ADGRL3: variants seen among roughly 807,000 people sequenced by gnomAD.
The protein encoded by ADGRL3 is adhesion G protein-coupled receptor L3, also known as calcium-independent alpha-latrotoxin receptor 3.
A neutral mutation model predicts 153.5 loss-of-function variants in ADGRL3; 62 were observed. That is an observed-to-expected ratio of 0.40 (90% CI 0.33 to 0.50). ADGRL3 has a LOEUF of 0.50. Ranked by LOEUF, ADGRL3 falls within the 20% of genes least tolerant of loss-of-function variation. ADGRL3 has a pLI of 0.47. For missense variants in ADGRL3, 1,641 were observed against 1,859.4 expected (o/e 0.88, Z 2.16); for synonymous variants, 710 against 672.5 (o/e 1.06, Z -0.86).
At chr4:61,292,643 C>T (rs545952309) in intron 1 of ADGRL3, among the ~76,000 whole-genome samples, 26 of 152,220 alleles carry the variant, frequency 1.7e-4, no homozygotes, top group African/African-American at 6.0e-4. Context: ...ACACAAATAC[C>T]AGAGCATCTG....
chr4:61,802,190 C>T (rs1372414664), intron 8 of ADGRL3, among the ~76,000 whole-genome samples: 1 of 152,086 alleles, frequency 6.6e-6, no homozygotes, highest in African/African-American at 2.4e-5. Context: ...AGCTGATAAA[C>T]TTATTAAAGG....
intron 4 of ADGRL3, among the ~76,000 whole-genome samples, chr4:61,572,538 T>C (rs2098843376): frequency 6.6e-6 from 1 of 152,078 alleles, no homozygotes; most frequent in South Asian, 2.1e-4. Context: ...AAGTAATTTA[T>C]GAGATAGTGT....
chr4:61,510,569 T>C (rs1355507131), intron 3 of ADGRL3, among the ~76,000 whole-genome samples: 1 of 152,196 alleles, frequency 6.6e-6, no homozygotes, highest in African/African-American at 2.4e-5. Flanking sequence ...CAGATGGTTG[T>C]ATGTGTGTGG....
intron 1 of ADGRL3, among the ~76,000 whole-genome samples, chr4:61,313,181 A>G (rs534252740): frequency 6.6e-6 from 1 of 152,286 alleles, no homozygotes; most frequent in Non-Finnish European, 1.5e-5. Context: ...ACAATATGAC[A>G]TTTTGGGAAA....
intron 21 of ADGRL3, among the ~76,000 whole-genome samples, chr4:62,024,671 C>T (rs866764593): frequency 6.6e-6 from 1 of 152,000 alleles, no homozygotes; most frequent in South Asian, 2.1e-4. Context: ...TAGCTCACGC[C>T]TGTAATCCCA....
chr4:61,238,785 T>G (rs575781309), intron 1 of ADGRL3, among the ~76,000 whole-genome samples: 58 of 152,108 alleles, frequency 3.8e-4, no homozygotes, highest in Non-Finnish European at 6.9e-4. Flanking sequence ...AAGCACGTGG[T>G]GTCCATTAAA....
At chr4:61,903,133 G>C (rs1001773198) in intron 11 of ADGRL3, among the ~76,000 whole-genome samples, 10 of 152,144 alleles carry the variant, frequency 6.6e-5, no homozygotes, top group African/African-American at 1.7e-4. Flanking sequence ...TTTTCTTCTT[G>C]TTGTACCTAG....
chr4:62,063,453 G>A, intron 25 of ADGRL3: 1 of 623,298 alleles, frequency 1.6e-6, no homozygotes, highest in Non-Finnish European at 2.9e-6. Flanking sequence ...AAACACATTT[G>A]CCTGATTGAC....
intron 7 of ADGRL3, among the ~76,000 whole-genome samples, chr4:61,731,794 C>A (rs576319375): frequency 1.3e-5 from 2 of 152,062 alleles, no homozygotes; most frequent in South Asian, 4.1e-4. Context: ...TCAAGGACCA[C>A]CCTTTGGGAA....
chr4:61,768,941 C>A (rs11735887), intron 8 of ADGRL3, among the ~76,000 whole-genome samples: 82,966 of 150,968 alleles, frequency 0.55, 23,345 homozygotes, highest in East Asian at 0.68. Context: ...TGTGGAAATA[C>A]GCGATTGGGG....
intron 2 of ADGRL3, among the ~76,000 whole-genome samples, chr4:61,438,756 G>A (rs913615748): frequency 6.8e-6 from 1 of 146,994 alleles, no homozygotes; most frequent in Non-Finnish European, 1.5e-5. Context: ...CGCCCAGGCT[G>A]GAGTGCAGTG....
chr4:62,031,376 A>C, intron 22 of ADGRL3, 66 bp from the exon 23 acceptor site: 4 of 1,317,612 alleles, frequency 3.0e-6, no homozygotes, highest in Non-Finnish European at 4.2e-6. Flanking sequence ...CGTATTGTTG[A>C]TCTGATATGG....
intron 8 of ADGRL3, among the ~76,000 whole-genome samples, chr4:61,806,028 T>G (rs891034080): frequency 4.6e-5 from 7 of 152,240 alleles, no homozygotes; most frequent in African/African-American, 1.7e-4. Flanking sequence ...AATGTAGCAA[T>G]TTTAACATTT....
At chr4:61,725,636 T>G (rs1371753587) in intron 6 of ADGRL3, among the ~76,000 whole-genome samples, 1 of 151,646 alleles carries the variant, frequency 6.6e-6, no homozygotes, top group African/African-American at 2.4e-5. Flanking sequence ...AACAAAAGTC[T>G]ACTCAGTTTT....
At chr4:61,832,791 TTC>T (rs536786852) in intron 9 of ADGRL3, among the ~76,000 whole-genome samples, 2 of 151,316 alleles carry the variant, frequency 1.3e-5, no homozygotes, top group African/African-American at 2.4e-5. Flanking sequence ...TTCGCTTTCT[TTC>T]TCTCTCTGTT....
intron 8 of ADGRL3, among the ~76,000 whole-genome samples, chr4:61,767,156 G>A (rs1262263754): frequency 1.3e-5 from 2 of 152,044 alleles, no homozygotes; most frequent in East Asian, 1.9e-4. Context: ...AAGGTTGGGG[G>A]ATACAAGAGG....
At position 61,629,721 on chromosome 4, in the gene ADGRL3, CAAAAAAAAAAAAAAAAAAAAAAAAAAAA is replaced by C. The variant is rs59504485; in HGVS notation, c.473+42299_473+42326del. The stretch of plus-strand genomic sequence containing the variant: ...GACAATGCAAGACTCCGTCTCGGGG[CAAAAAAAAAAAAAAAAAAAAAAAAAAAA>C]AAAAAAAAAAAAAAAAATTCCAAGT... On this transcript the variant is annotated intron_variant, in intron 5 of 26. Transcript: ENST00000683033. Among the ~76,000 whole-genome samples, 101 of 33,452 alleles carry C rather than the reference CAAAAAAAAAAAAAAAAAAAAAAAAAAAA, an allele frequency of 3.0e-3. 1 individual carries two copies. Among genetic ancestry groups the C allele is most frequent in the East Asian group, 0.013 (12 of 904 alleles). The allele number at this position is 33,452 out of a possible 152,430, so 21.9% of individuals were successfully genotyped here.
intron 1 of ADGRL3, among the ~76,000 whole-genome samples, chr4:61,220,451 C>G (rs1223793232): frequency 1.3e-5 from 2 of 152,062 alleles, no homozygotes; most frequent in Admixed American, 6.5e-5. Context: ...ATTTTATGCT[C>G]TATATAATGG....
chr4:61,787,440 G>A (rs549061090), intron 8 of ADGRL3, among the ~76,000 whole-genome samples: 31 of 151,668 alleles, frequency 2.0e-4, no homozygotes, highest in African/African-American at 6.0e-4. Flanking sequence ...AATATCTAGC[G>A]CTGTATGCTT....
Sources: allele counts gnomAD v4.1 joint callset (sites outside exome capture counted in the v4.1 genomes callset), GRCh38; gene constraint gnomAD v4.1.1; transcripts MANE v1.5; gene names NCBI Gene and HGNC (gene_info 2026-07-23, HGNC 2026-07-21).